The following MYO5B variants were observed in gnomAD, a reference collection of about 807,000 sequenced individuals.
MYO5B encodes the protein myosin VB.
In MYO5B, 143 loss-of-function variants were observed where a neutral mutation model predicts 229.3. That is an observed-to-expected ratio of 0.62 (90% CI 0.54 to 0.72). The LOEUF (loss-of-function observed/expected upper bound fraction) is 0.72. Ranked by LOEUF, MYO5B falls within the 30% of genes least tolerant of loss-of-function variation. The pLI is 0.00. For synonymous variants in MYO5B, 918 were observed against 885.2 expected, an observed-to-expected ratio of 1.04 and a Z score of -0.66; for missense variants, 2,321 against 2,331.0, an observed-to-expected ratio of 1.00 and a Z score of 0.09.
chr18:49,939,148 CTTTTTTTTT>C (rs11313115), intron 14 of MYO5B, among the ~76,000 whole-genome samples: 4 of 119,046 alleles, frequency 3.4e-5, no homozygotes, highest in African/African-American at 9.9e-5. Context: ...TCTTTTTTTT[CTTTTTTTTT>C]TTTTTTTTTG....
At chr18:50,039,506 T>C (rs575083118) in intron 3 of MYO5B, among the ~76,000 whole-genome samples, 41 of 152,198 alleles carry the variant, frequency 2.7e-4, no homozygotes, top group African/African-American at 9.9e-4. Flanking sequence ...TAATTTTTTG[T>C]ACTTTTAGTA....
rs532398235 is a variant in MYO5B at position 50,126,680 on chromosome 18, T to C, written c.27+68087A>G. 2.5e-4 allele frequency: 39 copies of C among 154,756 alleles called. No individual in the cohort carries two copies. The South Asian group carries it at 7.5e-3, about 30-fold the overall frequency. The allele number at this position is 154,756 out of a possible 1,614,324, so 9.6% of individuals were successfully genotyped here. On this transcript the variant is annotated intron_variant, in intron 1 of 39. Transcript: ENST00000285039. ...GTGAACAGCAGTCATGCGTGAATCA[T>C]CTCCAGGACCTGATCAAATGGGTCT...
At chr18:50,176,985 C>T (rs987474508) in intron 1 of MYO5B, among the ~76,000 whole-genome samples, 1 of 152,150 alleles carries the variant, frequency 6.6e-6, no homozygotes, top group African/African-American at 2.4e-5. Flanking sequence ...GTAGCTAACA[C>T]CTATTCATTT....
intron 9 of MYO5B, among the ~76,000 whole-genome samples, chr18:49,976,462 C>T (rs912879438): frequency 6.6e-6 from 1 of 152,172 alleles, no homozygotes; most frequent in Non-Finnish European, 1.5e-5. Flanking sequence ...CTTTACTTAA[C>T]AGAAGGAGAG....
chr18:49,978,824 G>A (rs1258229925), intron 9 of MYO5B, among the ~76,000 whole-genome samples: 1 of 152,072 alleles, frequency 6.6e-6, no homozygotes, highest in African/African-American at 2.4e-5. Flanking sequence ...GAGGAGCAGG[G>A]TGTTGGGCGG....
intron 4 of MYO5B, among the ~76,000 whole-genome samples, chr18:50,026,925 AAGAACTTAAGCC>A (rs1377277585): frequency 1.3e-5 from 2 of 152,208 alleles, no homozygotes; most frequent in Non-Finnish European, 2.9e-5. Context: ...ACTGTGTTTT[AAGAACTTAAGCC>A]AGTCTCGTTA....
intron 1 of MYO5B, among the ~76,000 whole-genome samples, chr18:50,142,596 A>G (rs1254936249): frequency 1.3e-5 from 2 of 152,212 alleles, no homozygotes; most frequent in Non-Finnish European, 2.9e-5. Context: ...TTCAAAGAGT[A>G]ACATGGAATA....
chr18:50,074,803 A>AC (rs2031040293), intron 1 of MYO5B, among the ~76,000 whole-genome samples: 2 of 151,946 alleles, frequency 1.3e-5, no homozygotes, highest in Admixed American at 1.3e-4. Flanking sequence ...GAGATTGGAG[A>AC]CCCATGGTTT....
At chr18:49,894,912 C>T (rs1390963105) in intron 22 of MYO5B, 29 bp downstream of exon 22, 21 of 1,602,596 alleles carry the variant, frequency 1.3e-5, no homozygotes, top group Non-Finnish European at 1.7e-5. Flanking sequence ...CTCTGCTTGC[C>T]AGCGCCTGCC....
intron 14 of MYO5B, among the ~76,000 whole-genome samples, chr18:49,940,901 CA>C (rs1163199636): frequency 1.3e-5 from 2 of 152,222 alleles, no homozygotes; most frequent in Non-Finnish European, 2.9e-5. Flanking sequence ...TAATCTTCTA[CA>C]TCAAGCATTT....
intron 21 of MYO5B, among the ~76,000 whole-genome samples, chr18:49,901,425 G>T (rs940545428): frequency 6.6e-6 from 1 of 152,224 alleles, no homozygotes; most frequent in East Asian, 1.9e-4. Context: ...CCCCTACAGG[G>T]ATATTTAATC....
intron 1 of MYO5B, among the ~76,000 whole-genome samples, chr18:50,091,538 G>A (rs143265606): frequency 1.6e-4 from 25 of 152,266 alleles, no homozygotes; most frequent in African/African-American, 5.5e-4. Flanking sequence ...TATACTCAGA[G>A]AACCTAACGG....
intron 21 of MYO5B, among the ~76,000 whole-genome samples, chr18:49,897,446 A>G (rs1320923158): frequency 6.6e-6 from 1 of 152,244 alleles, no homozygotes; most frequent in South Asian, 2.1e-4. Context: ...AAAAATTTTT[A>G]AACTTAATTT....
At chr18:49,916,094 A>G (rs555313341) in intron 17 of MYO5B, among the ~76,000 whole-genome samples, 1 of 152,336 alleles carries the variant, frequency 6.6e-6, no homozygotes, top group African/African-American at 2.4e-5. Context: ...GTCTGAGGGC[A>G]CTGCCCACAT....
intron 22 of MYO5B, among the ~76,000 whole-genome samples, chr18:49,889,509 A>AT (rs768678752): frequency 2.0e-5 from 3 of 152,332 alleles, no homozygotes; most frequent in Non-Finnish European, 4.4e-5. Flanking sequence ...ACAAGGCTGT[A>AT]CCCTCTGAAT....
chr18:50,057,891 T>C (rs561943669), intron 1 of MYO5B, among the ~76,000 whole-genome samples: 1 of 152,116 alleles, frequency 6.6e-6, no homozygotes, highest in Non-Finnish European at 1.5e-5. Flanking sequence ...AACTACTTAC[T>C]CTTCCATTCC....
At chr18:49,965,919 C>T (rs1350309736) in intron 10 of MYO5B, among the ~76,000 whole-genome samples, 1 of 152,188 alleles carries the variant, frequency 6.6e-6, no homozygotes, top group African/African-American at 2.4e-5. Context: ...CTCCATTCAG[C>T]CCACTCCATG....
intron 2 of MYO5B, among the ~76,000 whole-genome samples, chr18:50,048,459 G>A (rs1441926103): frequency 6.6e-6 from 1 of 152,112 alleles, no homozygotes; most frequent in Non-Finnish European, 1.5e-5. Flanking sequence ...GCTCTCTAAG[G>A]TCACACTGAC....
intron 10 of MYO5B, among the ~76,000 whole-genome samples, chr18:49,964,353 A>G (rs1261885206): frequency 7.0e-6 from 1 of 142,252 alleles, no homozygotes; most frequent in African/African-American, 2.5e-5. Context: ...ATTTTCATGC[A>G]TTTTTCTTAA....
Sources: gnomAD v4.1 joint callset for allele counts (sites outside exome capture counted in the v4.1 genomes callset) on GRCh38, gnomAD v4.1.1 for gene constraint, MANE v1.5 for transcripts, NCBI Gene and HGNC (gene_info 2026-07-23, HGNC 2026-07-21) for gene names.